SUPT3H: variants seen among roughly 807,000 people sequenced by gnomAD.
SUPT3H encodes SPT3 homolog, SAGA and STAGA complex component, also known as transcription initiation protein SPT3 homolog.
SUPT3H carries 44 observed loss-of-function variants against 44.3 expected under a neutral mutation model. The observed-to-expected ratio is 0.99, with a 90% CI of 0.78 to 1.28. The LOEUF (loss-of-function observed/expected upper bound fraction) is 1.28. Among genes scored for constraint, SUPT3H ranks in the 50% most tolerant of loss-of-function variants. The probability of loss-of-function intolerance (pLI) is 0.00; values close to 1 mark genes in which losing one functional copy is unlikely to be tolerated. For missense variants in SUPT3H, 380 were observed against 387.1 expected, an observed-to-expected ratio of 0.98 and a Z score of 0.15; for synonymous variants, 124 against 125.6, an observed-to-expected ratio of 0.99 and a Z score of 0.09.
In SUPT3H at chr6:45,020,597, T is replaced by C; in HGVS notation, c.222A>G (p.Gly74=). The part of the protein sequence containing the change: ...QQAAEVSQLR[G]ARVITPEDLL... ...GATCTTCAGGAGTGATTACCCTTGC[T>C]CCCCGCAGCTGAGAAACTTCAGCAG... The change falls in exon 4 of 11, where the codon GGA becomes GGG. Residue 74 remains glycine (G), a synonymous_variant. Coordinates refer to ENST00000371459, the MANE Select transcript of SUPT3H (RefSeq NM_003599.4). 6.2e-7 allele frequency: 1 copy of C among 1,611,732 alleles called. No homozygotes were observed. Among genetic ancestry groups the C allele is most frequent in the African/African-American group, 1.3e-5 (1 of 74,922 alleles).
intron 2 of SUPT3H, among the ~76,000 whole-genome samples, chr6:45,218,580 A>T (rs199719903): frequency 1.3e-5 from 2 of 152,172 alleles, no homozygotes; most frequent in South Asian, 2.1e-4. Flanking sequence ...AAAAATATTT[A>T]AAAATTAGCT....
chr6:45,376,307 T>G (rs1474652134), intron 1 of SUPT3H, among the ~76,000 whole-genome samples: 4 of 152,240 alleles, frequency 2.6e-5, no homozygotes, highest in Admixed American at 6.5e-5. Context: ...AGAGCTGGCT[T>G]ATCTGATTTA....
intron 10 of SUPT3H, among the ~76,000 whole-genome samples, chr6:44,888,460 C>T (rs139346281): frequency 0.051 from 7,755 of 152,194 alleles, 260 homozygotes; most frequent in South Asian, 0.13. Context: ...GCTGGTTCAA[C>T]ATACGCAAAT....
At chr6:45,102,937 T>G (rs1378093564) in intron 3 of SUPT3H, among the ~76,000 whole-genome samples, 1 of 143,398 alleles carries the variant, frequency 7.0e-6, no homozygotes, top group Non-Finnish European at 1.5e-5. Context: ...AGACTCCGTC[T>G]CAAAAAAAAG....
Position 44,953,355 on chromosome 6 carries a change from G to A in SUPT3H, c.756C>T (p.Ser252=), listed in dbSNP as rs896692998. Reference sequence around the variant, plus strand: ...GAATGAAGGTTGCAGAAATGGCATGGCTGAAGGGGTCCCCTGCCTTGGTTA... The same window carrying A: ...GAATGAAGGTTGCAGAAATGGCATGACTGAAGGGGTCCCCTGCCTTGGTTA... The part of the protein sequence containing the change: ...DMVTKAGDPF[S]HAISATFIQY... Residue 252 remains serine, a synonymous_variant, in exon 9 of 11, where the codon AGC becomes AGT. Coordinates refer to ENST00000371459, the MANE Select transcript of SUPT3H (RefSeq NM_003599.4). The A allele has an allele frequency of 1.9e-6, 3 of 1,614,102 alleles. No individual in the cohort carries two copies. The highest frequency in any genetic ancestry group is 1.7e-5 in the Admixed American group (1 of 60,024).
At chr6:45,104,516 T>C (rs913135807) in intron 3 of SUPT3H, among the ~76,000 whole-genome samples, 15 of 152,078 alleles carry the variant, frequency 9.9e-5, no homozygotes, top group African/African-American at 3.4e-4. Flanking sequence ...CCTGTCAGGC[T>C]TTAAGATTTG....
chr6:45,159,132 G>A (rs1808510481), intron 2 of SUPT3H: 1 of 152,162 alleles, frequency 6.6e-6, no homozygotes, highest in Non-Finnish European at 1.5e-5. Context: ...TTCTTCGTAG[G>A]TTGTCAAGCC....
At chr6:44,993,034 G>T (rs967327229) in intron 6 of SUPT3H, among the ~76,000 whole-genome samples, 1 of 152,014 alleles carries the variant, frequency 6.6e-6, no homozygotes, top group African/African-American at 2.4e-5. Flanking sequence ...GTGGTGGCAC[G>T]TTCCTGTAGT....
chr6:44,912,827 C>CT (rs1767262265), intron 10 of SUPT3H, among the ~76,000 whole-genome samples: 1 of 152,204 alleles, frequency 6.6e-6, no homozygotes, highest in South Asian at 2.1e-4. Flanking sequence ...AACACTGGCT[C>CT]TGAATGTGGC....
chr6:45,069,893 G>A (rs1425481732), intron 3 of SUPT3H, among the ~76,000 whole-genome samples: 2 of 151,970 alleles, frequency 1.3e-5, no homozygotes, highest in African/African-American at 4.8e-5. Flanking sequence ...CCCTTCCACT[G>A]ATATAAATAT....
chr6:45,172,426 T>G (rs1810968759), intron 2 of SUPT3H, among the ~76,000 whole-genome samples: 1 of 152,068 alleles, frequency 6.6e-6, no homozygotes. Context: ...TCTATTTATC[T>G]CTAACAATCC....
intron 3 of SUPT3H, among the ~76,000 whole-genome samples, chr6:45,049,025 T>G (rs1444017924): frequency 6.6e-6 from 1 of 152,048 alleles, no homozygotes; most frequent in Non-Finnish European, 1.5e-5. Context: ...TTGCTAAGAG[T>G]GCATATGTCT....
At chr6:44,812,338 G>A (rs1393301356) in intron 11 of SUPT3H, among the ~76,000 whole-genome samples, 3 of 152,098 alleles carry the variant, frequency 2.0e-5, no homozygotes, top group Non-Finnish European at 2.9e-5. Context: ...CTGTAAGCTG[G>A]GGCCATTCTA....
chr6:45,139,365 T>C (rs1023889386), intron 2 of SUPT3H, among the ~76,000 whole-genome samples: 8 of 152,090 alleles, frequency 5.3e-5, no homozygotes, highest in African/African-American at 1.9e-4. Flanking sequence ...TTGACAGAGG[T>C]AGGGGAAGAT....
chr6:45,347,609 GTC>G (rs1305110801), intron 2 of SUPT3H, among the ~76,000 whole-genome samples: 1 of 151,998 alleles, frequency 6.6e-6, no homozygotes, highest in Admixed American at 6.6e-5. Context: ...CATTCTTGGG[GTC>G]TGTCTGCAAA....
intron 2 of SUPT3H, among the ~76,000 whole-genome samples, chr6:45,358,589 T>C (rs1442088239): frequency 6.6e-6 from 1 of 152,182 alleles, no homozygotes; most frequent in Non-Finnish European, 1.5e-5. Context: ...AAGAGCACAA[T>C]GTTTATCATC....
At chr6:45,267,640 C>T (rs778690614) in intron 2 of SUPT3H, among the ~76,000 whole-genome samples, 1 of 152,202 alleles carries the variant, frequency 6.6e-6, no homozygotes, top group Non-Finnish European at 1.5e-5. Context: ...TTACAATATA[C>T]ACCATCTACA....
intron 3 of SUPT3H, among the ~76,000 whole-genome samples, chr6:45,073,220 A>T (rs1794619471): frequency 6.6e-6 from 1 of 151,980 alleles, no homozygotes; most frequent in Non-Finnish European, 1.5e-5. Flanking sequence ...ATATAATGAA[A>T]CCTACCAACT....
At chr6:45,333,435 G>A (rs374268157) in intron 2 of SUPT3H, among the ~76,000 whole-genome samples, 2 of 151,326 alleles carry the variant, frequency 1.3e-5, no homozygotes, top group East Asian at 1.9e-4. Flanking sequence ...TTCACTTTAT[G>A]TAGAATTCTT....
Sources: allele counts gnomAD v4.1 joint callset (sites outside exome capture counted in the v4.1 genomes callset), GRCh38; gene constraint gnomAD v4.1.1; transcripts MANE v1.5; gene names NCBI Gene and HGNC (gene_info 2026-07-23, HGNC 2026-07-21).